Variants in ZFHX2 observed in about 807,000 individuals in gnomAD.
ZFHX2 encodes zinc finger homeobox protein 2.
ZFHX2 carries 75 observed loss-of-function variants against 164.8 expected under a neutral mutation model. The observed-to-expected ratio is 0.46, with a 90% confidence interval of 0.38 to 0.55. ZFHX2 has a LOEUF of 0.55. Among genes scored for constraint, ZFHX2 ranks in the 20% least tolerant of loss-of-function variants. The pLI is 0.00. For missense variants in ZFHX2, 2,933 were observed against 3,308.0 expected (o/e 0.89, Z 2.78); for synonymous variants, 1,217 against 1,351.4 (o/e 0.90, Z 2.18).
Position 23,551,039 on chromosome 14 carries a change from G to C in ZFHX2, c.-50+304C>G, listed in dbSNP as rs222683. On this transcript the variant is annotated intron_variant, in intron 1 of 9. Transcript: ENST00000419474. The surrounding 1 kb of genome is among the most constrained non-coding windows in gnomAD (Gnocchi z 5.3). ...GGCTTTCCATACCCTTCGTCTGTCCGGCGGGCCTCTGCCTTTCCCGTTCCC... is the reference window on the plus strand; with the variant it reads ...GGCTTTCCATACCCTTCGTCTGTCCCGCGGGCCTCTGCCTTTCCCGTTCCC... Among the ~76,000 whole-genome samples the C allele has an allele frequency of 0.021, 3,179 of 151,600 alleles. 70 individuals carry two copies. The highest frequency in any genetic ancestry group is 0.027 in the Non-Finnish European group (1,843 of 67,932).
intron 1 of ZFHX2, chr14:23,538,077 C>G (rs1262258415): frequency 6.6e-6 from 1 of 152,326 alleles, no homozygotes; most frequent in Non-Finnish European, 1.5e-5. Flanking sequence ...TACAGTAACT[C>G]CCAGATCCTC....
At chr14:23,538,563 C>G (rs1402283040) in intron 1 of ZFHX2, among the ~76,000 whole-genome samples, 1 of 152,168 alleles carries the variant, frequency 6.6e-6, no homozygotes, top group African/African-American at 2.4e-5. Flanking sequence ...ACCCCCAAGA[C>G]CAAGATTCTT....
rs779130921 is a variant in ZFHX2 at position 23,527,586 on chromosome 14, C to T, written c.3135+18G>A. The T allele has an allele frequency of 2.1e-5, 32 of 1,536,468 alleles. No homozygotes were observed. The South Asian group carries it at 2.3e-4, about 11-fold the overall frequency. Reference sequence around the variant, plus strand: ...TAATAAGGTCTTGTTGTACCGTCCTCACCCAGCCTGTACTCACTACAAGCA... The same window carrying T: ...TAATAAGGTCTTGTTGTACCGTCCTTACCCAGCCTGTACTCACTACAAGCA... On this transcript the variant is annotated intron_variant, in intron 7 of 9. Transcript: ENST00000419474.
intron 5 of ZFHX2, 72 bp downstream of exon 5, chr14:23,530,048 C>T: frequency 7.3e-7 from 1 of 1,379,054 alleles, no homozygotes; most frequent in Non-Finnish European, 1.0e-6. Context: ...TTGCTGGGCT[C>T]CTGGATTACT....
rs1204184895 is a variant in ZFHX2, at chr14:23,536,961, A to AACCCTGGTG, written c.-49-1588_-49-1587insCACCAGGGT. On this transcript the variant is annotated intron_variant, in intron 1 of 9. Transcript: ENST00000419474. ...GAGACTAGCCTGGCCAACATGGTGA[A>AACCCTGGTG]ACCCTGTCTCTACTAAAAATACAAA... 2.0e-5 allele frequency among the ~76,000 whole-genome samples: 3 copies of AACCCTGGTG among 151,826 alleles called. No homozygotes were observed. The East Asian group carries it at 5.8e-4, about 29-fold the overall frequency.
rs1313786075 is a variant in ZFHX2 at position 23,535,645 on chromosome 14, T to C, written c.-49-271A>G. Reference sequence around the variant, plus strand: ...TTTGCTCTTGTTGCCCAGGATGGAGTGCAATGGCGTGATCTCGGCTCACCG... The same window carrying C: ...TTTGCTCTTGTTGCCCAGGATGGAGCGCAATGGCGTGATCTCGGCTCACCG... On this transcript the variant is annotated intron_variant, in intron 1 of 9. Coordinates refer to ENST00000419474, the MANE Select transcript of ZFHX2 (RefSeq NM_033400.3). The surrounding 1 kb of genome is among the most constrained non-coding windows in gnomAD (Gnocchi z 4.5). 1.3e-5 allele frequency among the ~76,000 whole-genome samples: 2 copies of C among 152,082 alleles called. No homozygotes were observed. The highest frequency in any genetic ancestry group is 2.9e-5 in the Non-Finnish European group (2 of 68,006).
intron 1 of ZFHX2, among the ~76,000 whole-genome samples, chr14:23,540,004 T>C (rs914044195): frequency 2.6e-5 from 4 of 152,240 alleles, no homozygotes; most frequent in South Asian, 4.1e-4. Flanking sequence ...TTTTCATTTT[T>C]TGAGACAGGG....
Position 23,533,877 on chromosome 14 carries a change from G to A in ZFHX2, c.1449C>T (p.Cys483=), listed in dbSNP as rs1198304415. ...REKHPESNSH[C]SYCSAGGAHP... The stretch of plus-strand genomic sequence containing the variant: ...GGGCGCCCCCAGCACTGCAGTAGCT[G>A]CAGTGACTGTTGCTCTCAGGGTGCT... Residue 483 remains cysteine (C), a synonymous_variant, in exon 2 of 10, where the codon TGC becomes TGT. Coordinates refer to ENST00000419474, the MANE Select transcript of ZFHX2 (RefSeq NM_033400.3). The surrounding 1 kb of genome is among the most constrained non-coding windows in gnomAD (Gnocchi z 4.8). 2.0e-6 allele frequency: 3 copies of A among 1,538,116 alleles called. No homozygotes were observed. Among genetic ancestry groups the A allele is most frequent in the Non-Finnish European group, 2.6e-6 (3 of 1,147,334 alleles).
rs1180203873 is a variant in ZFHX2 at position 23,524,147 on chromosome 14, G to C, written c.5795C>G (p.Pro1932Arg). The change falls in exon 9 of 10, where the codon CCT becomes CGT. Residue 1932 changes from proline (P) to arginine (R), a missense_variant. Pro to Arg is a moderately radical substitution (Grantham distance 103, BLOSUM62 -2). Transcript: ENST00000419474. The surrounding 1 kb of genome is among the most constrained non-coding windows in gnomAD (Gnocchi z 5.6). ...GGVPSPAVKP[P>R]ATATPASLPK... ...CAAGGATGCAGGGGTGGCTGTGGCA[G>C]GCGGTTTCACTGCTGGACTAGGCAC... 55 of 1,535,900 alleles carry C rather than the reference G, an allele frequency of 3.6e-5. No individual in the cohort carries two copies. The highest frequency in any genetic ancestry group is 4.6e-5 in the Non-Finnish European group (53 of 1,146,862).
upstream of ZFHX2, among the ~76,000 whole-genome samples, chr14:23,551,827 G>A (rs1225830916): frequency 6.6e-6 from 1 of 152,092 alleles, no homozygotes; most frequent in Non-Finnish European, 1.5e-5. The surrounding 1 kb of genome is among the most constrained non-coding windows in gnomAD (Gnocchi z 5.3). Flanking sequence ...GCCCGCCGCG[G>A]CGCATGCCGG....
upstream of ZFHX2, among the ~76,000 whole-genome samples, chr14:23,553,572 C>T (rs1010980561): frequency 4.7e-5 from 7 of 148,916 alleles, no homozygotes; most frequent in African/African-American, 1.7e-4. Flanking sequence ...GCACTCCAGC[C>T]TGGGCAACAA....
At position 23,533,978 on chromosome 14, in the gene ZFHX2, A is replaced by G. The variant is rs942235350; in HGVS notation, c.1348T>C (p.Cys450Arg). 1.6e-5 allele frequency: 25 copies of G among 1,537,606 alleles called. No individual in the cohort carries two copies. The highest frequency in any genetic ancestry group is 2.2e-5 in the Non-Finnish European group (25 of 1,146,974). Reference protein sequence around the residue: ...HMSLLHSRNSCKTLKCPKCNW... With the variant: ...HMSLLHSRNSRKTLKCPKCNW... ...CACTTGGGACACTTGAGTGTCTTGC[A>G]GGAGTTGCGTGAGTGGAGCAGGGAC... Residue 450 changes from cysteine (C) to arginine (R), a missense_variant, in exon 2 of 10, where the codon TGC (cysteine) becomes CGC (arginine). Coordinates refer to ENST00000419474, the MANE Select transcript of ZFHX2 (RefSeq NM_033400.3). This position sits in a 1 kb window ranked among gnomAD's most constrained non-coding sequence, Gnocchi z 4.8.
intron 1 of ZFHX2, among the ~76,000 whole-genome samples, chr14:23,544,648 G>A (rs1025284629): frequency 1.3e-5 from 2 of 152,186 alleles, no homozygotes; most frequent in Non-Finnish European, 1.5e-5. Context: ...CGGCTGGCGC[G>A]GGCGTGTTTA....
In ZFHX2 at chr14:23,533,597, C is replaced by T. The variant is rs772521506; in HGVS notation, c.1729G>A (p.Glu577Lys). The change falls in exon 2 of 10, where the codon GAG becomes AAG. Residue 577 changes from glutamate (E) to lysine (K), a missense_variant. Transcript: ENST00000419474. This position sits in a 1 kb window ranked among gnomAD's most constrained non-coding sequence, Gnocchi z 4.8. ...CGCAGGTTACGGGAGATGTTTGTCT[C>T]GTAGCTGCACACCTTGCACTGCCAG... ...SSWQCKVCSYETNISRNLRIH... is the reference protein window; with the variant it reads ...SSWQCKVCSYKTNISRNLRIH... 7.2e-6 allele frequency: 11 copies of T among 1,536,610 alleles called. No individual in the cohort carries two copies. Among genetic ancestry groups the T allele is most frequent in the African/African-American group, 4.1e-5 (3 of 73,040 alleles).
chr14:23,525,511 C>T lies in ZFHX2; in HGVS notation c.4431G>A (p.Gly1477=). ...CACAGGCCCCACAGGCCAGCTTGTCCCCACCCCCGAGGGCCTCAGGTGGGG... is the reference window on the plus strand; with the variant it reads ...CACAGGCCCCACAGGCCAGCTTGTCTCCACCCCCGAGGGCCTCAGGTGGGG... ...TPPPPEALGG[G]DKLACGACGK... Residue 1477 remains glycine (G), a synonymous_variant, in exon 9 of 10, where the codon GGG becomes GGA. Coordinates refer to ENST00000419474, the MANE Select transcript of ZFHX2 (RefSeq NM_033400.3). This position sits in a 1 kb window ranked among gnomAD's most constrained non-coding sequence, Gnocchi z 5.9. 1 of 1,535,714 alleles carries T rather than the reference C, an allele frequency of 6.5e-7. No homozygotes were observed.
chr14:23,539,277 G>A (rs1880528318), intron 1 of ZFHX2, among the ~76,000 whole-genome samples: 1 of 152,184 alleles, frequency 6.6e-6, no homozygotes, highest in Admixed American at 6.5e-5. Context: ...GATGAGAAAG[G>A]AAGGATGGAA....
chr14:23,524,580 G>A lies in ZFHX2; in HGVS notation c.5362C>T (p.Arg1788Cys), dbSNP rs1356054749. The change falls in exon 9 of 10, where the codon CGC becomes TGC. Residue 1788 changes from arginine to cysteine, a missense_variant. Transcript: ENST00000419474. This position sits in a 1 kb window ranked among gnomAD's most constrained non-coding sequence, Gnocchi z 5.6. ...AGAGATGGCAGGAAATGTAGTCGGCGGTGACTGGTCAGGAGGTCCTGGCTG... is the reference window on the plus strand; with the variant it reads ...AGAGATGGCAGGAAATGTAGTCGGCAGTGACTGGTCAGGAGGTCCTGGCTG... ...FSSQDLLTSH[R>C]RLHFLPSLQP... 1.3e-5 allele frequency: 20 copies of A among 1,535,376 alleles called. No homozygotes were observed. The highest frequency in any genetic ancestry group is 1.2e-4 in the East Asian group (5 of 40,912).
In ZFHX2 at chr14:23,525,918, G is replaced by A. The variant is rs1386418466; in HGVS notation, c.4024C>T (p.Pro1342Ser). 2.2e-5 allele frequency: 33 copies of A among 1,473,012 alleles called. No homozygotes were observed. The highest frequency in any genetic ancestry group is 3.5e-4 in the Middle Eastern group (2 of 5,674). 91.2% of individuals were successfully genotyped at this position (1,473,012 alleles called of 1,614,324 possible). Reference protein sequence around the residue: ...LHRFPAPLFTPPVLPPFPLVP... With the variant: ...LHRFPAPLFTSPVLPPFPLVP... ...AGAGGGAAGGGGGGCAGGACTGGTG[G>A]GGTGAAGAGAGGGGCTGGGAATCGG... Residue 1342 changes from proline to serine, a missense_variant, in exon 9 of 10, where the codon CCA (proline) becomes TCA (serine). Transcript: ENST00000419474. The surrounding 1 kb of genome is among the most constrained non-coding windows in gnomAD (Gnocchi z 5.9).
chr14:23,535,403 T>C lies in ZFHX2; in HGVS notation c.-49-29A>G, dbSNP rs1880028942. On this transcript the variant is annotated intron_variant, in intron 1 of 9. Coordinates refer to ENST00000419474, the MANE Select transcript of ZFHX2 (RefSeq NM_033400.3). This position sits in a 1 kb window ranked among gnomAD's most constrained non-coding sequence, Gnocchi z 4.5. ...TAGGGAGACAAGGAGAGAGCAGTGC[T>C]GTGAGGCTGCAGGGACCCCAGCTGG... The C allele has an allele frequency of 2.8e-6, 4 of 1,409,908 alleles. No homozygotes were observed. The highest frequency in any genetic ancestry group is 3.7e-6 in the Non-Finnish European group (4 of 1,084,070). The allele number at this position is 1,409,908 out of a possible 1,614,324, so 87.3% of individuals were successfully genotyped here.
Sources: gnomAD v4.1 joint callset for allele counts (sites outside exome capture counted in the v4.1 genomes callset) on GRCh38, gnomAD v4.1.1 for gene constraint, Gnocchi (gnomAD v3.1) non-coding constraint, MANE v1.5 for transcripts, NCBI Gene and HGNC (gene_info 2026-07-23, HGNC 2026-07-21) for gene names.